DKK3: variants seen among roughly 807,000 people sequenced by gnomAD.
DKK3 encodes the protein dickkopf Wnt signaling pathway inhibitor 3.
Under a neutral mutation model 33.2 loss-of-function variants are expected in DKK3, and 22 were observed. The ratio of observed to expected loss-of-function variants is 0.66; its 90% CI spans 0.47 to 0.95. The LOEUF (loss-of-function observed/expected upper bound fraction) is 0.95, where lower values mean the gene tolerates loss of function less well. DKK3 is among the 40% of genes least tolerant of loss of function. The pLI, the probability that DKK3 is intolerant of heterozygous loss-of-function variation, is 0.00. For synonymous variants in DKK3, 194 were observed against 188.8 expected (o/e 1.03, Z -0.23); for missense variants, 398 against 458.4 (o/e 0.87, Z 1.20).
Position 11,997,320 on chromosome 11 carries a change from A to T in DKK3, c.435+1376T>A, listed in dbSNP as rs189797221. 1.4e-3 allele frequency among the ~76,000 whole-genome samples: 215 copies of T among 152,220 alleles called. 2 individuals are homozygous for T. Among genetic ancestry groups the T allele is most frequent in the Middle Eastern group, 3.4e-3 (1 of 294 alleles). On this transcript the variant is annotated intron_variant, in intron 3 of 6. Transcript: ENST00000683431. ...CCCTTTTCATTCTACAACTCTGCTCAGGCCTCAATCCTTCATCAAACCCCA... is the reference window on the plus strand; with the variant it reads ...CCCTTTTCATTCTACAACTCTGCTCTGGCCTCAATCCTTCATCAAACCCCA...
At chr11:12,000,674 C>T (rs1386366186) in intron 2 of DKK3, among the ~76,000 whole-genome samples, 1 of 133,074 alleles carries the variant, frequency 7.5e-6, no homozygotes, top group Non-Finnish European at 1.6e-5. Context: ...CTGGCTAAGG[C>T]TAATTTTTTT....
intron 3 of DKK3, among the ~76,000 whole-genome samples, chr11:11,996,292 T>C (rs1191369885): frequency 1.3e-5 from 2 of 152,198 alleles, no homozygotes; most frequent in Non-Finnish European, 2.9e-5. Flanking sequence ...GATAGTAAAC[T>C]AGTCTTTATC....
chr11:11,998,421 T>A (rs1173779166), intron 3 of DKK3: 8 of 542,278 alleles, frequency 1.5e-5, no homozygotes, highest in African/African-American at 3.8e-5. Context: ...GTCTGGTACT[T>A]GCTTGTACCC....
At chr11:11,966,233 G>A (rs1023894196) in intron 5 of DKK3, among the ~76,000 whole-genome samples, 1 of 152,210 alleles carries the variant, frequency 6.6e-6, no homozygotes, top group Non-Finnish European at 1.5e-5. Context: ...GAAATTAAGA[G>A]GGAGGCAAAG....
At chr11:12,006,545 G>T (rs1204516917) in intron 1 of DKK3, among the ~76,000 whole-genome samples, 1 of 152,154 alleles carries the variant, frequency 6.6e-6, no homozygotes, top group African/African-American at 2.4e-5. Flanking sequence ...GGGAAAGAGT[G>T]GGGTAGAAGT....
At chr11:11,997,631 C>A (rs533991983) in intron 3 of DKK3, among the ~76,000 whole-genome samples, 53 of 152,234 alleles carry the variant, frequency 3.5e-4, no homozygotes, top group African/African-American at 1.3e-3. Context: ...ACAGCCAGTG[C>A]CCTTTCCACT....
rs1311854578 is a variant in DKK3, at chr11:11,998,559, G to A, written c.435+137C>T. On this transcript the variant is annotated intron_variant, in intron 3 of 6. Transcript: ENST00000683431. The stretch of plus-strand genomic sequence containing the variant: ...CTGTCTGGTCAGAAATGTAGGAATT[G>A]AGGAATCTCGGTAGAAATGAGTCAG... The A allele has an allele frequency of 3.9e-6, 3 of 769,608 alleles. No individual in the cohort carries two copies. In the Admixed American group the frequency reaches 6.3e-5, roughly 16 times the overall value. The allele number at this position is 769,608 out of a possible 1,614,324, so 47.7% of individuals were successfully genotyped here. A position where few individuals can be genotyped will look rare whatever the true frequency, so the allele number is the denominator to read the frequency against.
intron 1 of DKK3, 144 bp from the exon 2 acceptor site, chr11:12,002,581 T>C (rs1848453694): frequency 2.4e-6 from 2 of 844,596 alleles, no homozygotes; most frequent in South Asian, 3.6e-5. Context: ...GTACTCACTA[T>C]GATAAGATAT....
upstream of DKK3, chr11:12,008,845 G>A (rs1848600605): frequency 1.7e-6 from 2 of 1,156,024 alleles, no homozygotes; most frequent in Non-Finnish European, 2.1e-6. The surrounding 1 kb of genome is among the most constrained non-coding windows in gnomAD (Gnocchi z 4.6). Flanking sequence ...CCATCCTCGA[G>A]CACAAGCTGA....
At chr11:11,965,642 G>A (rs147589185) in intron 6 of DKK3, among the ~76,000 whole-genome samples, 167 bp downstream of exon 6, 15 of 152,226 alleles carry the variant, frequency 9.9e-5, no homozygotes, top group African/African-American at 1.4e-4. Context: ...CCCTAGAACC[G>A]ACTGCTGATT....
rs1417166816 is a variant in DKK3 at position 11,978,174 on chromosome 11, G to T, written c.436-9687C>A. Among the ~76,000 whole-genome samples, 3 of 152,284 alleles carry T rather than the reference G, an allele frequency of 2.0e-5. 1 individual carries two copies. In the South Asian group the frequency reaches 6.2e-4, roughly 32 times the overall value. On this transcript the variant is annotated intron_variant, in intron 3 of 6. Transcript: ENST00000683431. ...AGAGAGAAAGTGGGGTTGGCCTTGA[G>T]CAGGAGAAGGTTGAGAAGGAAGGGC...
At chr11:11,987,006 C>T (rs986955316) in intron 3 of DKK3, among the ~76,000 whole-genome samples, 1 of 152,116 alleles carries the variant, frequency 6.6e-6, no homozygotes, top group Non-Finnish European at 1.5e-5. Context: ...ATTTTACTTC[C>T]GTTTCTATTC....
intron 3 of DKK3, among the ~76,000 whole-genome samples, chr11:11,973,073 A>T (rs2135010529): frequency 6.6e-6 from 1 of 152,324 alleles, no homozygotes; most frequent in Middle Eastern, 3.4e-3. Context: ...CTGAAGTGAA[A>T]GGCACATCAA....
At chr11:11,968,801 C>T (rs1476895697) in intron 3 of DKK3, 2 of 248,186 alleles carry the variant, frequency 8.1e-6, no homozygotes, top group Non-Finnish European at 1.5e-5. Flanking sequence ...GGCTGGTCTT[C>T]CACACAGAAC....
At chr11:12,007,037 GAAAGA>G (rs1848550900) in intron 1 of DKK3, among the ~76,000 whole-genome samples, 1 of 152,138 alleles carries the variant, frequency 6.6e-6, no homozygotes, top group African/African-American at 2.4e-5. Context: ...ACAGGAAACA[GAAAGA>G]TCATGGGTCT....
At chr11:11,990,656 C>T (rs1450093898) in intron 3 of DKK3, among the ~76,000 whole-genome samples, 1 of 152,238 alleles carries the variant, frequency 6.6e-6, no homozygotes, top group African/African-American at 2.4e-5. Context: ...TGCCTGATCT[C>T]ATCCCTGCCT....
intron 3 of DKK3, among the ~76,000 whole-genome samples, chr11:11,997,159 T>C (rs1260535537): frequency 6.6e-6 from 1 of 152,220 alleles, no homozygotes; most frequent in Non-Finnish European, 1.5e-5. Context: ...CAGGTGCAGA[T>C]GTGCTCACAG....
intron 3 of DKK3, among the ~76,000 whole-genome samples, chr11:11,975,190 G>A (rs1284647063): frequency 3.3e-5 from 5 of 152,164 alleles, no homozygotes; most frequent in Admixed American, 6.5e-5. Flanking sequence ...ACCTTCCCCC[G>A]ATACAAGCCA....
At chr11:11,984,727 CT>C (rs1203924292) in intron 3 of DKK3, among the ~76,000 whole-genome samples, 1 of 151,942 alleles carries the variant, frequency 6.6e-6, no homozygotes, top group African/African-American at 2.4e-5. Context: ...TTGTTTTCCC[CT>C]GGGCAGAAAA....
Sources: gnomAD v4.1 joint callset for allele counts (sites outside exome capture counted in the v4.1 genomes callset) on GRCh38, gnomAD v4.1.1 for gene constraint, Gnocchi (gnomAD v3.1) non-coding constraint, MANE v1.5 for transcripts, NCBI Gene and HGNC (gene_info 2026-07-23, HGNC 2026-07-21) for gene names.